The following CHIC1 variants were observed in gnomAD, a reference collection of about 807,000 sequenced individuals.
CHIC1 encodes cysteine rich hydrophobic domain 1, also known as cysteine-rich hydrophobic domain-containing protein 1.
A neutral mutation model predicts 18.5 loss-of-function variants in CHIC1; 7 were observed. That is an observed-to-expected ratio of 0.38 (90% CI 0.22 to 0.71). CHIC1 has a LOEUF of 0.71. Among genes scored for constraint, CHIC1 ranks in the 30% least tolerant of loss-of-function variants. The pLI, the probability that CHIC1 is intolerant of heterozygous loss-of-function variation, is 0.49. For missense variants in CHIC1, 159 were observed against 176.9 expected (o/e 0.90, Z 0.57); for synonymous variants, 77 against 73.5 (o/e 1.05, Z -0.25).
chrX:73,598,338 T>TTA (rs1556497437), intron 3 of CHIC1, among the ~76,000 whole-genome samples: 1 of 109,321 alleles, frequency 9.1e-6, no homozygotes, highest in African/African-American at 3.3e-5. Context: ...TCTTTTTTTT[T>TTA]TTATTATTAT....
At chrX:73,619,990 G>T (rs1055564798) in intron 3 of CHIC1, among the ~76,000 whole-genome samples, 9 of 111,472 alleles carry the variant, frequency 8.1e-5, no homozygotes, top group African/African-American at 2.9e-4. Flanking sequence ...AGTTTGCTGA[G>T]AATGATGGTT....
chrX:73,599,497 A>T (rs1283445997), intron 3 of CHIC1, among the ~76,000 whole-genome samples: 1 of 100,959 alleles, frequency 9.9e-6, no homozygotes, highest in Non-Finnish European at 1.9e-5. Context: ...TCCATCTTGA[A>T]TTGATTTTTG....
chrX:73,574,043 G>A (rs111982981), intron 1 of CHIC1, among the ~76,000 whole-genome samples: 119 of 109,894 alleles, frequency 1.1e-3, no homozygotes, highest in African/African-American at 3.7e-3. Context: ...TTGCTTCTTC[G>A]GTATAATGGT....
intron 3 of CHIC1, among the ~76,000 whole-genome samples, chrX:73,659,886 C>T (rs755990324): frequency 9.0e-5 from 10 of 111,614 alleles, no homozygotes; most frequent in Middle Eastern, 4.6e-3. Flanking sequence ...ATTACCCTAT[C>T]GGCCCAAATT....
chrX:73,649,981 A>G (rs2057907818), intron 3 of CHIC1, among the ~76,000 whole-genome samples: 1 of 112,551 alleles, frequency 8.9e-6, no homozygotes, highest in African/African-American at 3.2e-5. Context: ...GGAAATCATA[A>G]CAGTCTCTCA....
intron 1 of CHIC1, among the ~76,000 whole-genome samples, chrX:73,564,095 A>G (rs1019525491): frequency 1.3e-4 from 14 of 111,966 alleles, no homozygotes; most frequent in Admixed American, 1.2e-3. Context: ...TTCCTTATAT[A>G]TCACTCGATT....
chrX:73,591,687 A>T (rs1403595083), intron 3 of CHIC1, among the ~76,000 whole-genome samples: 5 of 111,643 alleles, frequency 4.5e-5, no homozygotes, highest in Non-Finnish European at 9.4e-5. Context: ...ATATTCTAGG[A>T]ATTTTAAGAG....
chrX:73,645,446 A>T (rs1026846716), intron 3 of CHIC1, among the ~76,000 whole-genome samples: 1 of 111,894 alleles, frequency 8.9e-6, no homozygotes, highest in African/African-American at 3.2e-5. Context: ...TTGCTGGATT[A>T]TATGGGAATT....
intron 3 of CHIC1, among the ~76,000 whole-genome samples, chrX:73,649,871 A>G: frequency 1.8e-5 from 2 of 112,491 alleles, no homozygotes; most frequent in Non-Finnish European, 3.8e-5. Context: ...CTCCACCCCA[A>G]ATCTGCAGAA....
chrX:73,630,374 GTGTGCTTGTCATA>G (rs2057801583), intron 3 of CHIC1, among the ~76,000 whole-genome samples: 1 of 111,431 alleles, frequency 9.0e-6, no homozygotes, highest in Non-Finnish European at 1.9e-5. Flanking sequence ...GATGTTACCT[GTGTGCTTGTCATA>G]TATGGCCTTT....
chrX:73,674,918 G>C (rs1217385652), intron 3 of CHIC1, among the ~76,000 whole-genome samples: 3 of 111,849 alleles, frequency 2.7e-5, no homozygotes, highest in African/African-American at 6.5e-5. Flanking sequence ...GTGTCCCAGA[G>C]ATTCTGGTAT....
chrX:73,632,602 G>A (rs1393446351), intron 3 of CHIC1, among the ~76,000 whole-genome samples: 1 of 107,636 alleles, frequency 9.3e-6, no homozygotes, highest in Non-Finnish European at 1.9e-5. Context: ...TCTTTTGTGT[G>A]TCTACTATAG....
In CHIC1 at chrX:73,679,415, C is replaced by G. The variant is rs191186294; in HGVS notation, c.564+33C>G. The G allele has an allele frequency of 4.1e-4, 376 of 923,615 alleles. 2 individuals are homozygous for G. The African/African-American group carries it at 6.5e-3, about 16-fold the overall frequency. The allele number at this position is 923,615 out of a possible 1,213,427, so 76.1% of individuals were successfully genotyped here. On this transcript the variant is annotated intron_variant, in intron 4 of 5. Transcript: ENST00000373502. ...ATTTTAAGCACATAAGTGCCCCATT[C>G]ATATATTTGCAGCATTAAATTGAAA... is the stretch of plus-strand genomic sequence containing the variant.
chrX:73,627,560 G>C (rs2057789473), intron 3 of CHIC1, among the ~76,000 whole-genome samples: 1 of 112,267 alleles, frequency 8.9e-6, no homozygotes, highest in Admixed American at 9.4e-5. Flanking sequence ...TCCAAAGGCA[G>C]AGGAGCTTGA....
intron 3 of CHIC1, among the ~76,000 whole-genome samples, chrX:73,635,148 G>C (rs751828223): frequency 9.0e-6 from 1 of 111,230 alleles, no homozygotes; most frequent in South Asian, 3.9e-4. Flanking sequence ...TGATCATGTG[G>C]TTGTTTTCAT....
At chrX:73,673,474 A>G (rs2058043145) in intron 3 of CHIC1, among the ~76,000 whole-genome samples, 1 of 111,368 alleles carries the variant, frequency 9.0e-6, no homozygotes, top group Non-Finnish European at 1.9e-5. Flanking sequence ...TTCCCTTGTA[A>G]GTTGGATTCC....
intron 3 of CHIC1, among the ~76,000 whole-genome samples, chrX:73,607,543 T>C (rs1470219318): frequency 9.2e-6 from 1 of 108,269 alleles, no homozygotes; most frequent in Non-Finnish European, 1.9e-5. Context: ...AAAAAAACAC[T>C]TCTGCAACTA....
chrX:73,563,416 C>CGAGGAGGAT lies in CHIC1; in HGVS notation c.141_149dup (p.Asp47_Glu49dup), dbSNP rs1284166566. ...CGTCGGTATCTGGGCCCGACGATGA[C>CGAGGAGGAT]GAGGAGGATGAGGAGGAAGAGGAGG... On this transcript the variant is annotated inframe_insertion, in exon 1 of 6. Transcript: ENST00000373502. 21 of 1,149,219 alleles carry CGAGGAGGAT rather than the reference C, an allele frequency of 1.8e-5. No individual in the cohort carries two copies. The highest frequency in any genetic ancestry group is 1.7e-4 in the East Asian group (5 of 30,208). 94.7% of individuals were successfully genotyped at this position (1,149,219 alleles called of 1,213,427 possible). A position where few individuals can be genotyped will look rare whatever the true frequency, so the allele number is the denominator to read the frequency against.
At chrX:73,591,261 A>T (rs1254946574) in intron 3 of CHIC1, among the ~76,000 whole-genome samples, 1 of 110,217 alleles carries the variant, frequency 9.1e-6, no homozygotes, top group East Asian at 2.9e-4. Flanking sequence ...GATCAGGCCT[A>T]TGACCCCCCT....
Sources: allele counts gnomAD v4.1 joint callset (sites outside exome capture counted in the v4.1 genomes callset), GRCh38; gene constraint gnomAD v4.1.1; transcripts MANE v1.5; gene names NCBI Gene and HGNC (gene_info 2026-07-23, HGNC 2026-07-21).